The following DMD variants were observed in gnomAD, a reference collection of about 807,000 sequenced individuals.
The protein encoded by DMD is mutant dystrophin.
A neutral mutation model predicts 330.1 loss-of-function variants in DMD; 63 were observed. The ratio of observed to expected loss-of-function variants is 0.19; its 90% CI spans 0.16 to 0.24. The LOEUF (loss-of-function observed/expected upper bound fraction) is 0.24. Among genes scored for constraint, DMD ranks in the 10% least tolerant of loss-of-function variants. The probability of loss-of-function intolerance (pLI) is 1.00; values close to 1 mark genes in which losing one functional copy is unlikely to be tolerated. For synonymous variants in DMD, 1,223 were observed against 959.8 expected, an observed-to-expected ratio of 1.27 and a Z score of -5.07; for missense variants, 3,344 against 2,684.1, an observed-to-expected ratio of 1.25 and a Z score of -5.43.
chrX:32,267,604 AC>A (rs1277408654), intron 43 of DMD, among the ~76,000 whole-genome samples: 2 of 112,144 alleles, frequency 1.8e-5, no homozygotes, highest in African/African-American at 6.5e-5. Flanking sequence ...AAGAAAAGTA[AC>A]CCTAATATTA....
intron 55 of DMD, among the ~76,000 whole-genome samples, chrX:31,604,252 T>C (rs1001058141): frequency 1.8e-5 from 2 of 112,332 alleles, no homozygotes; most frequent in African/African-American, 6.5e-5. Flanking sequence ...TGAAACATAG[T>C]AACTCATTGT....
chrX:32,194,857 TA>T (rs755462576), intron 44 of DMD, among the ~76,000 whole-genome samples: 1 of 111,746 alleles, frequency 8.9e-6, no homozygotes, highest in East Asian at 2.8e-4. Context: ...TAAGCCATAA[TA>T]AAGAGTTGGG....
intron 7 of DMD, among the ~76,000 whole-genome samples, chrX:32,769,975 G>GACTATGCAT (rs1569515491): frequency 8.9e-6 from 1 of 111,870 alleles, no homozygotes; most frequent in Non-Finnish European, 1.9e-5. Flanking sequence ...ACTTAGTACA[G>GACTATGCAT]ACTATGCATG....
At chrX:32,801,752 T>C (rs1041824709) in intron 7 of DMD, among the ~76,000 whole-genome samples, 14 of 111,636 alleles carry the variant, frequency 1.3e-4, no homozygotes, top group African/African-American at 4.6e-4. Flanking sequence ...CCATCATCAT[T>C]TATTAAATAG....
chrX:33,050,266 T>C (rs781635034), intron 1 of DMD, among the ~76,000 whole-genome samples: 4 of 112,007 alleles, frequency 3.6e-5, no homozygotes, highest in South Asian at 3.7e-4. Context: ...TAATAAGTTC[T>C]CTATGCTGCC....
chrX:33,299,398 T>C (rs768565432), intron 1 of DMD, among the ~76,000 whole-genome samples: 137 of 111,774 alleles, frequency 1.2e-3, no homozygotes, highest in African/African-American at 4.3e-3. Context: ...CATGAGCTAA[T>C]GTTTATACAA....
intron 29 of DMD, among the ~76,000 whole-genome samples, chrX:32,426,529 T>G (rs1467609577): frequency 9.0e-6 from 1 of 111,451 alleles, no homozygotes; most frequent in Admixed American, 9.5e-5. Flanking sequence ...ACACTGCTGG[T>G]GGGGGTGTAA....
chrX:32,269,591 C>T (rs906580641), intron 43 of DMD, among the ~76,000 whole-genome samples: 18 of 111,283 alleles, frequency 1.6e-4, no homozygotes, highest in South Asian at 3.8e-4. Context: ...AGTTATTCAA[C>T]GAATTATTAT....
intron 45 of DMD, among the ~76,000 whole-genome samples, chrX:31,965,672 C>G (rs888206939): frequency 6.8e-4 from 76 of 111,696 alleles, no homozygotes; most frequent in Non-Finnish European, 1.0e-3. Context: ...CCTATGACTT[C>G]CCCTTACAGC....
At chrX:32,422,971 T>G (rs2098196484) in intron 29 of DMD, among the ~76,000 whole-genome samples, 2 of 111,057 alleles carry the variant, frequency 1.8e-5, no homozygotes, top group South Asian at 3.7e-4. Flanking sequence ...AGAAATTAAG[T>G]ATTAGTTGTC....
intron 21 of DMD, among the ~76,000 whole-genome samples, chrX:32,474,166 T>C (rs1281787730): frequency 9.1e-6 from 1 of 110,061 alleles, no homozygotes; most frequent in East Asian, 2.8e-4. Context: ...ATTCATTCAT[T>C]TTTATGACTG....
intron 29 of DMD, 61 bp downstream of exon 29, chrX:32,438,180 C>T: frequency 1.8e-6 from 2 of 1,111,253 alleles, no homozygotes; most frequent in Middle Eastern, 2.4e-4. Context: ...ATCTGAGAGG[C>T]CTGTATCTGC....
chrX:32,788,618 A>G (rs1163699343), intron 7 of DMD, among the ~76,000 whole-genome samples: 1 of 112,052 alleles, frequency 8.9e-6, no homozygotes, highest in African/African-American at 3.2e-5. Context: ...AAAGTTCATT[A>G]TGTCCTGTCA....
intron 11 of DMD, among the ~76,000 whole-genome samples, chrX:32,640,537 T>C (rs1215338715): frequency 9.0e-6 from 1 of 110,627 alleles, no homozygotes; most frequent in Non-Finnish European, 1.9e-5. Flanking sequence ...ATTTCCTAGA[T>C]GCAACTTGAA....
At chrX:31,802,463 T>C (rs1603471946) in intron 50 of DMD, among the ~76,000 whole-genome samples, 1 of 111,366 alleles carries the variant, frequency 9.0e-6, no homozygotes, top group African/African-American at 3.3e-5. Context: ...ACTGTAACAG[T>C]CCAGGAAAGA....
At chrX:31,201,416 C>T (rs1371782102) in intron 67 of DMD, among the ~76,000 whole-genome samples, 3 of 112,429 alleles carry the variant, frequency 2.7e-5, no homozygotes, top group South Asian at 3.7e-4. Flanking sequence ...AGCTTGGAGA[C>T]TGGCTGGCCA....
intron 43 of DMD, among the ~76,000 whole-genome samples, chrX:32,279,743 T>C (rs1377482912): frequency 9.1e-6 from 1 of 109,627 alleles, no homozygotes; most frequent in African/African-American, 3.3e-5. Context: ...GAACACCACC[T>C]ACTATTTGCT....
chrX:31,285,256 T>C (rs950250210), intron 62 of DMD, among the ~76,000 whole-genome samples: 2 of 112,139 alleles, frequency 1.8e-5, no homozygotes, highest in Non-Finnish European at 3.8e-5. Context: ...AGTTATGCTA[T>C]TGAAAGCAAT....
chrX:31,613,239 AATAGAATATGGGAGAAGCAAAACC>A (rs1238974579), intron 55 of DMD, among the ~76,000 whole-genome samples: 1 of 112,115 alleles, frequency 8.9e-6, no homozygotes, highest in Non-Finnish European at 1.9e-5. Context: ...CTGATTGACA[AATAGAATATGGGAGAAGCAAAACC>A]ATTCTTGCTT....
Sources: gnomAD v4.1 joint callset for allele counts (sites outside exome capture counted in the v4.1 genomes callset) on GRCh38, gnomAD v4.1.1 for gene constraint, MANE v1.5 for transcripts, NCBI Gene and HGNC (gene_info 2026-07-23, HGNC 2026-07-21) for gene names.